Variants in CNTLN observed in about 807,000 individuals in gnomAD.
CNTLN encodes centlein, also known as centlein, centrosomal protein.
CNTLN carries 212 observed loss-of-function variants against 180.0 expected under a neutral mutation model. That is an observed-to-expected ratio of 1.18 (90% CI 1.05 to 1.32). The LOEUF (loss-of-function observed/expected upper bound fraction) is 1.32, where lower values mean the gene tolerates loss of function less well. Ranked by LOEUF, CNTLN falls within the 40% of genes most tolerant of loss-of-function variation. The probability of loss-of-function intolerance (pLI) is 0.00; values close to 1 mark genes in which losing one functional copy is unlikely to be tolerated. For missense variants in CNTLN, 2,095 were observed against 1,610.9 expected, an observed-to-expected ratio of 1.30 and a Z score of -5.14; for synonymous variants, 722 against 563.1, an observed-to-expected ratio of 1.28 and a Z score of -3.99.
At chr9:17,142,866 A>C (rs1314039147) in intron 1 of CNTLN, among the ~76,000 whole-genome samples, 1 of 152,218 alleles carries the variant, frequency 6.6e-6, no homozygotes. Context: ...GACCTTGAAT[A>C]ATGATTTTAG....
chr9:17,165,361 C>T (rs184496619), intron 2 of CNTLN, among the ~76,000 whole-genome samples: 1 of 151,946 alleles, frequency 6.6e-6, no homozygotes, highest in African/African-American at 2.4e-5. Flanking sequence ...TGTAGAAGCA[C>T]CTAAAGAGAA....
chr9:17,387,970 C>G (rs1350635971), intron 13 of CNTLN, among the ~76,000 whole-genome samples, 192 bp from the exon 14 acceptor site: 2 of 144,694 alleles, frequency 1.4e-5, no homozygotes, highest in Non-Finnish European at 3.0e-5. Flanking sequence ...AAAGGTGGCA[C>G]TACAAAGATA....
At chr9:17,173,852 C>T (rs957575166) in intron 2 of CNTLN, among the ~76,000 whole-genome samples, 7 of 152,158 alleles carry the variant, frequency 4.6e-5, no homozygotes, top group Non-Finnish European at 8.8e-5. Context: ...TATGCTTGAA[C>T]CATTTCTTTC....
At chr9:17,255,944 T>C (rs1826457095) in intron 5 of CNTLN, among the ~76,000 whole-genome samples, 1 of 151,990 alleles carries the variant, frequency 6.6e-6, no homozygotes, top group Non-Finnish European at 1.5e-5. Context: ...AATACAATTT[T>C]GTATTTGTTA....
chr9:17,454,926 T>C (rs78737768), intron 18 of CNTLN, among the ~76,000 whole-genome samples: 1 of 152,154 alleles, frequency 6.6e-6, no homozygotes, highest in African/African-American at 2.4e-5. Flanking sequence ...AGTAGAGAAA[T>C]AGGAATCATG....
Position 17,409,431 on chromosome 9 carries a change from A to G in CNTLN, c.2754A>G (p.Glu918=). ...PTEDSQTQGK[E]IVQTYLNIDG... ...AAGACAGCCAAACACAAGGAAAAGA[A>G]ATAGTACAGACATATTTAAATATAG... Residue 918 remains glutamate (E), a synonymous_variant, in exon 16 of 26, where the codon GAA becomes GAG. Transcript: ENST00000380647. The G allele has an allele frequency of 2.5e-6, 4 of 1,612,758 alleles. No individual in the cohort carries two copies. The South Asian group carries it at 4.4e-5, about 18-fold the overall frequency.
intron 5 of CNTLN, among the ~76,000 whole-genome samples, chr9:17,261,963 C>G (rs909424746): frequency 6.6e-6 from 1 of 151,438 alleles, no homozygotes; most frequent in Non-Finnish European, 1.5e-5. Context: ...ATGATGCCAA[C>G]AAACATAGGA....
chr9:17,393,096 T>C (rs979008108), intron 14 of CNTLN, among the ~76,000 whole-genome samples: 2 of 152,176 alleles, frequency 1.3e-5, no homozygotes, highest in African/African-American at 4.8e-5. Flanking sequence ...TTGTGAGGAC[T>C]CTCTTTCTGT....
chr9:17,157,882 G>A (rs1212505461), intron 2 of CNTLN, among the ~76,000 whole-genome samples: 1 of 152,190 alleles, frequency 6.6e-6, no homozygotes, highest in Non-Finnish European at 1.5e-5. Flanking sequence ...AGCTGAGATA[G>A]TGACACCTTT....
chr9:17,275,788 T>G (rs1400197876), intron 6 of CNTLN, among the ~76,000 whole-genome samples: 1 of 152,112 alleles, frequency 6.6e-6, no homozygotes, highest in South Asian at 2.1e-4. Context: ...TATACAATAG[T>G]AAAAGAATAA....
At chr9:17,220,679 C>T (rs1468044665) in intron 2 of CNTLN, among the ~76,000 whole-genome samples, 1 of 152,144 alleles carries the variant, frequency 6.6e-6, no homozygotes, top group Non-Finnish European at 1.5e-5. Context: ...TAGGCGAGAA[C>T]ATGTTGCACA....
At chr9:17,325,365 T>C (rs1264853854) in intron 8 of CNTLN, among the ~76,000 whole-genome samples, 1 of 114,592 alleles carries the variant, frequency 8.7e-6, no homozygotes, top group Non-Finnish European at 1.8e-5. Flanking sequence ...AAAGTGTGTG[T>C]GCATGTGTAT....
intron 1 of CNTLN, among the ~76,000 whole-genome samples, chr9:17,135,718 C>T (rs111489081): frequency 2.6e-5 from 4 of 152,232 alleles, no homozygotes; most frequent in East Asian, 3.9e-4. Context: ...GCTTCCCCCC[C>T]AAGCCCAAGT....
intron 23 of CNTLN, among the ~76,000 whole-genome samples, chr9:17,469,928 C>T (rs1039888692): frequency 2.0e-5 from 3 of 151,756 alleles, no homozygotes; most frequent in Admixed American, 6.6e-5. Flanking sequence ...GGAACATAAG[C>T]GAAGTGAGAA....
intron 2 of CNTLN, among the ~76,000 whole-genome samples, chr9:17,163,698 G>A (rs1469240430): frequency 6.6e-6 from 1 of 152,140 alleles, no homozygotes; most frequent in East Asian, 1.9e-4. Context: ...CTAGTATCTT[G>A]AAGATAAGAA....
Position 17,503,203 on chromosome 9 carries a change from A to AT in CNTLN, c.*554dup, listed in dbSNP as rs1217750319. 1 of 152,226 alleles carries AT rather than the reference A, an allele frequency of 6.6e-6. No homozygotes were observed. Among genetic ancestry groups the AT allele is most frequent in the African/African-American group, 2.4e-5 (1 of 41,432 alleles). 9.4% of individuals were successfully genotyped at this position (152,226 alleles called of 1,614,324 possible). A position where few individuals can be genotyped will look rare whatever the true frequency, so the allele number is the denominator to read the frequency against. On this transcript the variant is annotated 3_prime_UTR_variant, in exon 26 of 26. Coordinates refer to ENST00000380647, the MANE Select transcript of CNTLN (RefSeq NM_017738.4). ...CTGGTTTATGTAGGAGATACTGTGT[A>AT]TTTCTACAACTCTTTGGCAAAAACA... is the stretch of plus-strand genomic sequence containing the variant.
intron 5 of CNTLN, among the ~76,000 whole-genome samples, chr9:17,238,043 CTTAT>C (rs1371751530): frequency 2.6e-5 from 4 of 151,818 alleles, no homozygotes; most frequent in African/African-American, 9.7e-5. Context: ...TTTTTATTTC[CTTAT>C]TTATTCTACT....
At chr9:17,148,318 G>T (rs1818597903) in intron 2 of CNTLN, among the ~76,000 whole-genome samples, 1 of 152,144 alleles carries the variant, frequency 6.6e-6, no homozygotes, top group Non-Finnish European at 1.5e-5. Context: ...TACTTAATTA[G>T]CTAACACTGA....
At chr9:17,259,629 G>A (rs1826795415) in intron 5 of CNTLN, among the ~76,000 whole-genome samples, 2 of 150,792 alleles carry the variant, frequency 1.3e-5, no homozygotes, top group African/African-American at 2.5e-5. Flanking sequence ...TTGGTAAGCT[G>A]TTGATTATTG....
Sources: gnomAD v4.1 joint callset for allele counts (sites outside exome capture counted in the v4.1 genomes callset) on GRCh38, gnomAD v4.1.1 for gene constraint, MANE v1.5 for transcripts, NCBI Gene and HGNC (gene_info 2026-07-23, HGNC 2026-07-21) for gene names.